DEFB130B: variants seen among roughly 807,000 people sequenced by gnomAD.
DEFB130B encodes beta-defensin 130B.
At position 12,066,944 on chromosome 8, in the gene DEFB130B, A is replaced by T. The variant is rs1801783381; in HGVS notation, c.59-2374T>A. Among the ~76,000 whole-genome samples, 2 of 123,422 alleles carry T rather than the reference A, an allele frequency of 1.6e-5. 1 individual carries two copies. The highest frequency in any genetic ancestry group is 5.4e-4 in the South Asian group (2 of 3,696). 81.0% of individuals were successfully genotyped at this position (123,422 alleles called of 152,430 possible). A position where few individuals can be genotyped will look rare whatever the true frequency, so the allele number is the denominator to read the frequency against. On this transcript the variant is annotated intron_variant, in intron 1 of 1. Transcript: ENST00000437818. The stretch of plus-strand genomic sequence containing the variant: ...ACTTTTAAGTTTTTTTTTTTTTTGG[A>T]TGATGTAGAGGATTTAAATGGAACA...
At chr8:12,065,045 A>G (rs1481100486) in intron 1 of DEFB130B, among the ~76,000 whole-genome samples, 4 of 112,426 alleles carry the variant, frequency 3.6e-5, no homozygotes, top group African/African-American at 1.2e-4. Context: ...GCATATCTTC[A>G]TCTCCTTTCA....
intron 1 of DEFB130B, among the ~76,000 whole-genome samples, chr8:12,065,382 T>G (rs556146995): frequency 0.046 from 1,169 of 25,494 alleles, 319 homozygotes; most frequent in African/African-American, 0.1. Context: ...CAACCATAGT[T>G]TATTTTTCCT....
At position 12,065,193 on chromosome 8, in the gene DEFB130B, G is replaced by T. The variant is rs190278547; in HGVS notation, c.59-623C>A. On this transcript the variant is annotated intron_variant, in intron 1 of 1. Coordinates refer to ENST00000437818, the MANE Select transcript of DEFB130B (RefSeq NM_001195257.1). ...GGATAGATAGATAGATAGATAGATA[G>T]ATAGATAGACAGACAGACACCTGCA... 4.7e-3 allele frequency among the ~76,000 whole-genome samples: 161 copies of T among 34,568 alleles called. 33 individuals are homozygous for T. Among genetic ancestry groups the T allele is most frequent in the East Asian group, 0.034 (11 of 326 alleles). The allele number at this position is 34,568 out of a possible 152,430, so 22.7% of individuals were successfully genotyped here.
rs1421908649 is a variant in DEFB130B, at chr8:12,065,193, G to GATAT, written c.59-624_59-623insATAT. Among the ~76,000 whole-genome samples the GATAT allele has an allele frequency of 1.5e-3, 53 of 34,568 alleles. 13 individuals carry two copies. Among genetic ancestry groups the GATAT allele is most frequent in the African/African-American group, 2.9e-3 (51 of 17,326 alleles). 22.7% of individuals were successfully genotyped at this position (34,568 alleles called of 152,430 possible). ...GGATAGATAGATAGATAGATAGATA[G>GATAT]ATAGATAGACAGACAGACACCTGCA... On this transcript the variant is annotated intron_variant, in intron 1 of 1. Transcript: ENST00000437818.
rs1801749975 is a variant in DEFB130B at position 12,065,079 on chromosome 8, A to AT, written c.59-510dup. ...CATAGAAAGCCTATCAATCCTTGAG[A>AT]TTTTATCTAAACTAATTTCCTCATT... On this transcript the variant is annotated intron_variant, in intron 1 of 1. Coordinates refer to ENST00000437818, the MANE Select transcript of DEFB130B (RefSeq NM_001195257.1). 1.7e-5 allele frequency among the ~76,000 whole-genome samples: 2 copies of AT among 119,100 alleles called. 1 individual carries two copies. 78.1% of individuals were successfully genotyped at this position (119,100 alleles called of 152,430 possible).
At chr8:12,065,237 T>C (rs555235384) in intron 1 of DEFB130B, among the ~76,000 whole-genome samples, 1,358 of 31,362 alleles carry the variant, frequency 0.043, 376 homozygotes, top group African/African-American at 0.08. Flanking sequence ...CTCACAGAGC[T>C]AAAAGGTATT....
At chr8:12,065,568 G>T (rs1486024588) in intron 1 of DEFB130B, among the ~76,000 whole-genome samples, 3 of 3,060 alleles carry the variant, frequency 9.8e-4, no homozygotes, top group Admixed American at 5.5e-3. Context: ...TTTGGTGGCC[G>T]TTTCAGCTCT....
chr8:12,065,035 G>T lies in DEFB130B; in HGVS notation c.59-465C>A, dbSNP rs1253231692. On this transcript the variant is annotated intron_variant, in intron 1 of 1. Transcript: ENST00000437818. ...ATCATCCCTATCAAATGGTTCATGT[G>T]CATATCTTCATCTCCTTTCATAGAA... Among the ~76,000 whole-genome samples, 2 of 107,860 alleles carry T rather than the reference G, an allele frequency of 1.9e-5. 1 individual carries two copies. The highest frequency in any genetic ancestry group is 4.4e-4 in the East Asian group (2 of 4,504). 70.8% of individuals were successfully genotyped at this position (107,860 alleles called of 152,430 possible). A position where few individuals can be genotyped will look rare whatever the true frequency, so the allele number is the denominator to read the frequency against.
chr8:12,067,247 C>T (rs1363680255), intron 1 of DEFB130B, among the ~76,000 whole-genome samples: 1 of 4,796 alleles, frequency 2.1e-4, no homozygotes, highest in Non-Finnish European at 5.8e-4. Flanking sequence ...TGAACTATTC[C>T]AATTTTTTAT....
At chr8:12,069,473 G>A (rs180975323) in intron 1 of DEFB130B, among the ~76,000 whole-genome samples, 7,791 of 136,428 alleles carry the variant, frequency 0.057, 1,499 homozygotes, top group Non-Finnish European at 0.085. Context: ...AGCAACACTG[G>A]AGGCATCATC....
chr8:12,066,835 C>T (rs1801781045), intron 1 of DEFB130B, among the ~76,000 whole-genome samples: 1 of 94,730 alleles, frequency 1.1e-5, no homozygotes, highest in East Asian at 2.4e-4. Context: ...CTTAGAATCA[C>T]ACTGGAAAAT....
intron 1 of DEFB130B, among the ~76,000 whole-genome samples, chr8:12,066,533 A>AATTCAG (rs1445494786): frequency 1.4e-5 from 2 of 139,064 alleles, no homozygotes; most frequent in East Asian, 3.9e-4. Context: ...TAAATTACTT[A>AATTCAG]ATTCAGATTC....
At chr8:12,069,394 A>G (rs1331924092) in intron 1 of DEFB130B, among the ~76,000 whole-genome samples, 1 of 127,434 alleles carries the variant, frequency 7.8e-6, no homozygotes, top group Non-Finnish European at 1.8e-5. Context: ...CAGAATAGAA[A>G]AAACTATTCT....
At chr8:12,065,063 C>T (rs1450799418) in intron 1 of DEFB130B, among the ~76,000 whole-genome samples, 1 of 117,020 alleles carries the variant, frequency 8.5e-6, no homozygotes, top group Non-Finnish European at 2.0e-5. Context: ...TCATAGAAAG[C>T]CTATCAATCC....
chr8:12,066,819 G>C (rs994595842), intron 1 of DEFB130B, among the ~76,000 whole-genome samples: 2 of 89,002 alleles, frequency 2.2e-5, no homozygotes, highest in African/African-American at 7.6e-5. Context: ...GATGCAGTGA[G>C]AAGGACTTAG....
chr8:12,065,163 G>A lies in DEFB130B; in HGVS notation c.59-593C>T, dbSNP rs193243840. Among the ~76,000 whole-genome samples, 403 of 62,776 alleles carry A rather than the reference G, an allele frequency of 6.4e-3. 61 individuals carry two copies. Among genetic ancestry groups the A allele is most frequent in the African/African-American group, 0.017 (348 of 20,386 alleles). 41.2% of individuals were successfully genotyped at this position (62,776 alleles called of 152,430 possible). A position where few individuals can be genotyped will look rare whatever the true frequency, so the allele number is the denominator to read the frequency against. On this transcript the variant is annotated intron_variant, in intron 1 of 1. Transcript: ENST00000437818. Reference sequence around the variant, plus strand: ...GCTCAATACCTCATAGATAGATGGAGGAATGGATAGATAGATAGATAGATA... The same window carrying A: ...GCTCAATACCTCATAGATAGATGGAAGAATGGATAGATAGATAGATAGATA...
intron 1 of DEFB130B, among the ~76,000 whole-genome samples, chr8:12,069,531 A>C (rs1350950829): frequency 7.3e-6 from 1 of 137,704 alleles, no homozygotes; most frequent in African/African-American, 2.5e-5. Context: ...CTAAAATGGC[A>C]TGGGACTGGT....
In DEFB130B at chr8:12,069,517, G is replaced by A. The variant is rs1266717895; in HGVS notation, c.58+2173C>T. 1.5e-5 allele frequency among the ~76,000 whole-genome samples: 2 copies of A among 137,630 alleles called. 1 individual carries two copies. Among genetic ancestry groups the A allele is most frequent in the Non-Finnish European group, 3.4e-5 (2 of 59,416 alleles). 90.3% of individuals were successfully genotyped at this position (137,630 alleles called of 152,430 possible). A position where few individuals can be genotyped will look rare whatever the true frequency, so the allele number is the denominator to read the frequency against. ...CTCCAAATTATACTATAAGGCCACA[G>A]TAACTAAAATGGCATGGGACTGGTA... On this transcript the variant is annotated intron_variant, in intron 1 of 1. Coordinates refer to ENST00000437818, the MANE Select transcript of DEFB130B (RefSeq NM_001195257.1).
intron 1 of DEFB130B, among the ~76,000 whole-genome samples, chr8:12,067,041 G>A (rs6601672): frequency 0.96 from 38,605 of 40,408 alleles, 18,634 homozygotes; most frequent in South Asian, 1. Context: ...TGTGAGTTCA[G>A]GCTGTCTTCT....
Sources: allele counts gnomAD v4.1 joint callset (sites outside exome capture counted in the v4.1 genomes callset), GRCh38; gene constraint gnomAD v4.1.1; transcripts MANE v1.5; gene names NCBI Gene and HGNC (gene_info 2026-07-23, HGNC 2026-07-21).